CHMP7: variants seen among roughly 807,000 people sequenced by gnomAD.
CHMP7 encodes the protein CHMP family, member 7.
Under a neutral mutation model 53.7 loss-of-function variants are expected in CHMP7, and 15 were observed. The observed-to-expected ratio is 0.28, with a 90% CI of 0.19 to 0.43. The LOEUF (loss-of-function observed/expected upper bound fraction) is 0.43, where lower values mean the gene tolerates loss of function less well. CHMP7 is among the 20% of genes least tolerant of loss of function. The pLI is 1.00. For missense variants in CHMP7, 527 were observed against 569.4 expected (o/e 0.93, Z 0.76); for synonymous variants, 261 against 228.0 (o/e 1.14, Z -1.30).
chr8:23,248,165 A>G, intron 2 of CHMP7: 1 of 456,236 alleles, frequency 2.2e-6, no homozygotes. Context: ...TTCATGCCTG[A>G]AGCAGGGAAC....
intron 3 of CHMP7, among the ~76,000 whole-genome samples, chr8:23,250,728 C>T (rs1192318285): frequency 6.6e-6 from 1 of 151,626 alleles, no homozygotes; most frequent in Non-Finnish European, 1.5e-5. Context: ...ATTCACAGAC[C>T]AAGCCTGACC....
Position 23,249,339 on chromosome 8 carries a change from G to A in CHMP7, c.429G>A (p.Lys143=). ...WTLSNMLGDN[K]VPAEEVLVAV... is the part of the protein sequence containing the mutation. Reference sequence around the variant, plus strand: ...TTTCTAACATGCTGGGAGATAATAAGGTTCCAGCTGAGGAGGTCCTTGTCG... The same window carrying A: ...TTTCTAACATGCTGGGAGATAATAAAGTTCCAGCTGAGGAGGTCCTTGTCG... The change falls in exon 3 of 11, where the codon AAG becomes AAA. Residue 143 remains lysine, a synonymous_variant. Transcript: ENST00000397677. 2 of 1,611,844 alleles carry A rather than the reference G, an allele frequency of 1.2e-6. No homozygotes were observed. The highest frequency in any genetic ancestry group is 1.7e-6 in the Non-Finnish European group (2 of 1,179,052).
intron 2 of CHMP7, among the ~76,000 whole-genome samples, chr8:23,248,647 C>T (rs959389179): frequency 2.0e-5 from 3 of 152,156 alleles, no homozygotes; most frequent in Non-Finnish European, 4.4e-5. Context: ...CCTTATATAG[C>T]CTTCAGCGTA....
intron 10 of CHMP7, 54 bp downstream of exon 10, chr8:23,260,377 G>A: frequency 6.3e-7 from 1 of 1,597,428 alleles, no homozygotes. Flanking sequence ...CTGGCTGACA[G>A]AGTTGATGGG....
intron 3 of CHMP7, among the ~76,000 whole-genome samples, chr8:23,251,970 A>T (rs1248608256): frequency 6.6e-6 from 1 of 152,092 alleles, no homozygotes; most frequent in East Asian, 1.9e-4. Context: ...AAAGTTTGTA[A>T]TAAGTTGCAC....
intron 3 of CHMP7, among the ~76,000 whole-genome samples, chr8:23,253,780 T>C (rs866977780): frequency 6.6e-6 from 1 of 152,216 alleles, no homozygotes; most frequent in Non-Finnish European, 1.5e-5. Flanking sequence ...TGAATTTTGT[T>C]TGTCTCCACC....
intron 9 of CHMP7, 59 bp downstream of exon 9, chr8:23,259,185 T>C: frequency 2.5e-6 from 2 of 813,638 alleles, no homozygotes; most frequent in East Asian, 5.9e-5. Context: ...TTTTTTTTTT[T>C]TGAGACGGAG....
chr8:23,256,390 C>G (rs935981005), intron 4 of CHMP7, 70 bp from the exon 5 acceptor site: 17 of 1,049,946 alleles, frequency 1.6e-5, no homozygotes, highest in Non-Finnish European at 2.2e-5. Flanking sequence ...ATGCCCACCA[C>G]CAGCGCTCCT....
intron 9 of CHMP7, among the ~76,000 whole-genome samples, chr8:23,259,487 A>C (rs1802295649): frequency 6.6e-6 from 1 of 151,384 alleles, no homozygotes; most frequent in Admixed American, 6.6e-5. Flanking sequence ...CAGCCTCCTG[A>C]GTAGCTGGGA....
intron 10 of CHMP7, 103 bp downstream of exon 10, chr8:23,260,426 C>T: frequency 6.6e-7 from 1 of 1,525,954 alleles, no homozygotes; most frequent in East Asian, 2.2e-5. Flanking sequence ...GTACCAGAGC[C>T]CTGTAGGGAG....
chr8:23,251,355 A>G (rs1227380885), intron 3 of CHMP7, among the ~76,000 whole-genome samples: 1 of 152,200 alleles, frequency 6.6e-6, no homozygotes, highest in African/African-American at 2.4e-5. Context: ...CTGTTCATCC[A>G]ACTTTTCTCT....
At chr8:23,259,157 T>C (rs1168339328) in intron 9 of CHMP7, 31 bp downstream of exon 9, 2 of 1,151,918 alleles carry the variant, frequency 1.7e-6, no homozygotes, top group Non-Finnish European at 2.5e-6. Context: ...TTTTTATTTT[T>C]ATTCATTTTT....
chr8:23,258,639 A>G lies in CHMP7; in HGVS notation c.961-93A>G. ...AAATTGAGCTTGGGTGCCAAAAAAA[A>G]CACCCCAAAGCTGCCTTTTGGAGTT... On this transcript the variant is annotated intron_variant, in intron 7 of 10. Transcript: ENST00000397677. The G allele has an allele frequency of 6.5e-6, 8 of 1,230,840 alleles. No individual in the cohort carries two copies. In the South Asian group the frequency reaches 9.1e-5, roughly 14 times the overall value. The allele number at this position is 1,230,840 out of a possible 1,614,324, so 76.2% of individuals were successfully genotyped here.
intron 9 of CHMP7, among the ~76,000 whole-genome samples, chr8:23,259,498 T>C (rs1037357177): frequency 4.0e-5 from 6 of 151,830 alleles, no homozygotes; most frequent in African/African-American, 1.2e-4. Context: ...GTAGCTGGGA[T>C]TATAGGCGCC....
chr8:23,245,149 A>G (rs1166709135), intron 1 of CHMP7, among the ~76,000 whole-genome samples: 1 of 152,218 alleles, frequency 6.6e-6, no homozygotes, highest in Non-Finnish European at 1.5e-5. Flanking sequence ...TGTGTTAGCT[A>G]GGATTTCCCG....
intron 9 of CHMP7, 82 bp downstream of exon 9, chr8:23,259,208 G>T (rs577548123): frequency 2.1e-5 from 14 of 679,258 alleles, no homozygotes; most frequent in Admixed American, 6.8e-5. Context: ...TCGCTCTGTC[G>T]CCCAGGCTGG....
chr8:23,258,596 C>T, intron 7 of CHMP7, 136 bp from the exon 8 acceptor site: 2 of 1,247,466 alleles, frequency 1.6e-6, no homozygotes, highest in Non-Finnish European at 1.2e-6. Context: ...GGAGGTTTGG[C>T]CTCGGTGGGT....
chr8:23,249,193 C>T lies in CHMP7; in HGVS notation c.300-17C>T. ...GCATTAAGTGCTACTACACGCCCTT[C>T]TTTTTCTTCCCTGCAGTCGAGGGGA... On this transcript the variant is annotated splice_polypyrimidine_tract_variant and intron_variant, in intron 2 of 10. Coordinates refer to ENST00000397677, the MANE Select transcript of CHMP7 (RefSeq NM_152272.5). The T allele has an allele frequency of 6.4e-7, 1 of 1,556,562 alleles. No homozygotes were observed. Among genetic ancestry groups the T allele is most frequent in the Admixed American group, 2.0e-5 (1 of 50,230 alleles).
Position 23,259,106 on chromosome 8 carries a change from G to A in CHMP7, c.1100G>A (p.Gly367Asp). ...GATGAAGTTTCTCAGACTCTGGCTGGTGGGGTAACAAATGGCTTAGGTGAG... is the reference window on the plus strand; with the variant it reads ...GATGAAGTTTCTCAGACTCTGGCTGATGGGGTAACAAATGGCTTAGGTGAG... The part of the protein sequence containing the change: ...TQDEVSQTLA[G>D]GVTNGLDFDS... The change falls in exon 9 of 11, where the codon GGT (glycine) becomes GAT (aspartate). Residue 367 changes from glycine to aspartate, a missense_variant. Transcript: ENST00000397677. 6.2e-7 allele frequency: 1 copy of A among 1,603,816 alleles called. No homozygotes were observed. Among genetic ancestry groups the A allele is most frequent in the Non-Finnish European group, 8.5e-7 (1 of 1,170,774 alleles).
Sources: allele counts gnomAD v4.1 joint callset (sites outside exome capture counted in the v4.1 genomes callset), GRCh38; gene constraint gnomAD v4.1.1; transcripts MANE v1.5; gene names NCBI Gene and HGNC (gene_info 2026-07-23, HGNC 2026-07-21).